Variants in PLCH1 observed in about 807,000 individuals in gnomAD.
The protein encoded by PLCH1 is 1-phosphatidylinositol 4,5-bisphosphate phosphodiesterase eta-1.
PLCH1 carries 60 observed loss-of-function variants against 126.7 expected under a neutral mutation model. The observed-to-expected ratio is 0.47, with a 90% CI of 0.38 to 0.59. The LOEUF (loss-of-function observed/expected upper bound fraction) is 0.59, where lower values mean the gene tolerates loss of function less well. PLCH1 is among the 20% of genes least tolerant of loss of function. The probability of loss-of-function intolerance (pLI) is 0.00; values close to 1 mark genes in which losing one functional copy is unlikely to be tolerated. For synonymous variants in PLCH1, 719 were observed against 734.9 expected (o/e 0.98, Z 0.35); for missense variants, 1,723 against 2,040.0 (o/e 0.84, Z 2.99).
intron 21 of PLCH1, among the ~76,000 whole-genome samples, chr3:155,471,514 T>C (rs1713240876): frequency 1.4e-5 from 2 of 146,478 alleles, no homozygotes; most frequent in African/African-American, 5.1e-5. Flanking sequence ...ATTAGACAGA[T>C]CAACGAGACA....
intron 1 of PLCH1, among the ~76,000 whole-genome samples, chr3:155,731,028 G>A (rs1748732184): frequency 6.6e-6 from 1 of 152,210 alleles, no homozygotes; most frequent in Non-Finnish European, 1.5e-5. Context: ...AGATCCCACA[G>A]CCCTAGGCTC....
In PLCH1 at chr3:155,565,863, T is replaced by C. The variant is rs1383833798; in HGVS notation, c.866-745A>G. Among the ~76,000 whole-genome samples the C allele has an allele frequency of 3.3e-5, 5 of 151,130 alleles. No homozygotes were observed. The East Asian group carries it at 7.8e-4, about 24-fold the overall frequency. On this transcript the variant is annotated intron_variant, in intron 7 of 22. Transcript: ENST00000460012. ...GGCATGCGCCACTGCGTGTAGCTAA[T>C]TTTTTTGCATTTTTAGTAGAGATGG...
chr3:155,476,725 T>G (rs1288763797), downstream of PLCH1, among the ~76,000 whole-genome samples: 1 of 151,724 alleles, frequency 6.6e-6, no homozygotes, highest in African/African-American at 2.4e-5. Context: ...ATGAAAACTA[T>G]AAAACACTGA....
At chr3:155,540,561 A>G (rs1197754740) in intron 10 of PLCH1, among the ~76,000 whole-genome samples, 1 of 151,970 alleles carries the variant, frequency 6.6e-6, no homozygotes, top group Non-Finnish European at 1.5e-5. Context: ...GACAAATAAT[A>G]CCATCAAAAA....
chr3:155,719,745 T>C (rs991803326), intron 1 of PLCH1, among the ~76,000 whole-genome samples: 8 of 152,088 alleles, frequency 5.3e-5, no homozygotes, highest in Non-Finnish European at 1.2e-4. Flanking sequence ...TAAATGCCAT[T>C]ATTTCATTCC....
rs763011872 is a variant in PLCH1, at chr3:155,490,824, T to C, written c.2352A>G (p.Val784=). The C allele has an allele frequency of 1.4e-5, 23 of 1,598,918 alleles. No individual in the cohort carries two copies. Among genetic ancestry groups the C allele is most frequent in the Non-Finnish European group, 2.0e-5 (23 of 1,166,682 alleles). ...FVEVEIIGLP[V]DCCKDQTRVV... ...CACGGGTTTGATCTTTACAACAATC[T>C]ACTGGCAATCCAATAATTTCAACTT... The change falls in exon 19 of 23, where the codon GTA becomes GTG. Residue 784 remains valine, a synonymous_variant. Transcript: ENST00000460012.
At chr3:155,693,893 G>A (rs1161166172) in intron 2 of PLCH1, among the ~76,000 whole-genome samples, 2 of 151,628 alleles carry the variant, frequency 1.3e-5, no homozygotes, top group Admixed American at 6.6e-5. Context: ...TGGGGCCATC[G>A]CACTCCAGCC....
intron 2 of PLCH1, among the ~76,000 whole-genome samples, chr3:155,608,296 G>A (rs1040707042): frequency 1.3e-5 from 2 of 152,140 alleles, no homozygotes; most frequent in African/African-American, 2.4e-5. Context: ...TAATAATTTC[G>A]ACTGAGCATG....
intron 2 of PLCH1, among the ~76,000 whole-genome samples, chr3:155,636,282 A>C (rs886596742): frequency 2.6e-5 from 4 of 152,210 alleles, no homozygotes; most frequent in Admixed American, 2.6e-4. Context: ...CTGTTTTAAA[A>C]AAAGGGAAAA....
intron 10 of PLCH1, 97 bp downstream of exon 10, chr3:155,549,690 A>AATT: frequency 1.2e-6 from 1 of 821,560 alleles, no homozygotes; most frequent in African/African-American, 1.7e-5. Context: ...TATTGATTCT[A>AATT]ATTATTATTC....
chr3:155,602,357 C>T (rs1462607693), intron 2 of PLCH1, among the ~76,000 whole-genome samples: 1 of 152,052 alleles, frequency 6.6e-6, no homozygotes, highest in Non-Finnish European at 1.5e-5. Flanking sequence ...ATAAGAATGA[C>T]AGAAAATCGA....
rs570776234 is a variant in PLCH1 at position 155,652,795 on chromosome 3, G to A, written c.79+51351C>T. Among the ~76,000 whole-genome samples, 4 of 152,102 alleles carry A rather than the reference G, an allele frequency of 2.6e-5. No individual in the cohort carries two copies. In the South Asian group the frequency reaches 6.2e-4, roughly 24 times the overall value. On this transcript the variant is annotated intron_variant, in intron 2 of 22. Coordinates refer to ENST00000460012, the MANE Select transcript of PLCH1 (RefSeq NM_014996.4). Reference sequence around the variant, plus strand: ...CCCTCTCAGGCACTCACCCTCATCCGCTGATGATTTCTGCACCAAGCCCCA... The same window carrying A: ...CCCTCTCAGGCACTCACCCTCATCCACTGATGATTTCTGCACCAAGCCCCA...
chr3:155,641,976 T>C (rs987808756), intron 2 of PLCH1, among the ~76,000 whole-genome samples: 7 of 151,978 alleles, frequency 4.6e-5, no homozygotes, highest in African/African-American at 1.2e-4. Flanking sequence ...GGATCAAGAG[T>C]AATTGTTCCC....
chr3:155,514,507 G>A (rs947200658), intron 12 of PLCH1, among the ~76,000 whole-genome samples: 3 of 152,104 alleles, frequency 2.0e-5, no homozygotes, highest in Non-Finnish European at 4.4e-5. Context: ...TTGTCCTGAG[G>A]GTCCAAGTGG....
intron 2 of PLCH1, among the ~76,000 whole-genome samples, chr3:155,667,124 T>C (rs1292068343): frequency 6.6e-6 from 1 of 152,168 alleles, no homozygotes; most frequent in Non-Finnish European, 1.5e-5. Context: ...CCAAAATCCA[T>C]ATTTTTAAAT....
At chr3:155,483,154 T>C (rs538522507) in intron 22 of PLCH1, 103 bp from the exon 23 acceptor site, 7 of 1,115,264 alleles carry the variant, frequency 6.3e-6, no homozygotes, top group South Asian at 1.5e-5. Context: ...TGTAAATCTG[T>C]TACACTGTGA....
chr3:155,517,962 T>C (rs1720577428), intron 11 of PLCH1, among the ~76,000 whole-genome samples: 1 of 152,200 alleles, frequency 6.6e-6, no homozygotes, highest in African/African-American at 2.4e-5. Flanking sequence ...AGTCCCCCTT[T>C]ATGCATGGGA....
intron 12 of PLCH1, among the ~76,000 whole-genome samples, chr3:155,505,934 G>GT: frequency 6.7e-6 from 1 of 148,208 alleles, no homozygotes; most frequent in South Asian, 2.2e-4. Context: ...CAATTAATCT[G>GT]TGAGTTCCTC....
intron 10 of PLCH1, among the ~76,000 whole-genome samples, chr3:155,543,799 G>C (rs1332904212): frequency 2.0e-5 from 3 of 150,752 alleles, no homozygotes; most frequent in Admixed American, 6.6e-5. Context: ...AGCTTCATAA[G>C]TGAAGGAGAA....
Sources: allele counts gnomAD v4.1 joint callset (sites outside exome capture counted in the v4.1 genomes callset), GRCh38; gene constraint gnomAD v4.1.1; transcripts MANE v1.5; gene names NCBI Gene and HGNC (gene_info 2026-07-23, HGNC 2026-07-21).